The following DLGAP1 variants were observed in gnomAD, a reference collection of about 807,000 sequenced individuals.
The protein encoded by DLGAP1 is DLG associated protein 1.
Under a neutral mutation model 90.8 loss-of-function variants are expected in DLGAP1, and 11 were observed. That is an observed-to-expected ratio of 0.12 (90% CI 0.08 to 0.20). DLGAP1 has a LOEUF of 0.20. Among genes scored for constraint, DLGAP1 ranks in the 10% least tolerant of loss-of-function variants. The probability of loss-of-function intolerance (pLI) is 1.00; values close to 1 mark genes in which losing one functional copy is unlikely to be tolerated. For synonymous variants in DLGAP1, 558 were observed against 540.7 expected, an observed-to-expected ratio of 1.03 and a Z score of -0.44; for missense variants, 1,050 against 1,333.8, an observed-to-expected ratio of 0.79 and a Z score of 3.31.
At chr18:4,152,285 A>G (rs113001838) in intron 1 of DLGAP1, among the ~76,000 whole-genome samples, 1,874 of 152,344 alleles carry the variant, frequency 0.012, 33 homozygotes, top group African/African-American at 0.039. Flanking sequence ...AATCTAAGTA[A>G]TAAGCAGAAA....
intron 3 of DLGAP1, among the ~76,000 whole-genome samples, chr18:3,965,310 G>GT (rs2073299503): frequency 2.6e-5 from 4 of 152,128 alleles, no homozygotes; most frequent in African/African-American, 9.7e-5. Flanking sequence ...CTAATGTTTT[G>GT]CAAAAAATAA....
In DLGAP1 at chr18:3,517,819, G is replaced by GA. The variant is rs57625422; in HGVS notation, c.2480-9159dup. On this transcript the variant is annotated intron_variant, in intron 10 of 12. Coordinates refer to ENST00000315677, the MANE Select transcript of DLGAP1 (RefSeq NM_004746.4). The surrounding 1 kb of genome is among the most constrained non-coding windows in gnomAD (Gnocchi z 4.1). ...GCAACAAGAGAGAAACTCTGTCTCG[G>GA]AAAAAAAAAAAAAAGAAGAGAGTCA... 0.71 allele frequency among the ~76,000 whole-genome samples: 100,783 copies of GA among 141,748 alleles called. 35,771 individuals are homozygous for GA. The highest frequency in any genetic ancestry group is 0.79 in the South Asian group (3,548 of 4,474). 93.0% of individuals were successfully genotyped at this position (141,748 alleles called of 152,430 possible).
At chr18:4,014,592 G>T (rs1599328399) in intron 2 of DLGAP1, among the ~76,000 whole-genome samples, 2 of 152,316 alleles carry the variant, frequency 1.3e-5, no homozygotes, top group Middle Eastern at 3.4e-3. Context: ...TGTTTGGGGT[G>T]ATAATATCTC....
At position 4,342,876 on chromosome 18, in the gene DLGAP1, AATAGCTTTGC is replaced by A. The variant is rs1410267755; in HGVS notation, c.-267+112120_-267+112129del. Among the ~76,000 whole-genome samples, 3 of 152,236 alleles carry A rather than the reference AATAGCTTTGC, an allele frequency of 2.0e-5. No homozygotes were observed. The highest frequency in any genetic ancestry group is 4.4e-5 in the Non-Finnish European group (3 of 68,032). On this transcript the variant is annotated intron_variant, in intron 1 of 12. Transcript: ENST00000315677. This position sits in a 1 kb window ranked among gnomAD's most constrained non-coding sequence, Gnocchi z 5.8. Reference sequence around the variant, plus strand: ...GAGAACATTATTAACAACCCTAGTAAATAGCTTTGCATAAACAATATCAGATCTGAATATG... The same window carrying A: ...GAGAACATTATTAACAACCCTAGTAAATAAACAATATCAGATCTGAATATG...
Position 3,986,693 on chromosome 18 carries a change from A to G in DLGAP1, c.-73+18423T>C, listed in dbSNP as rs2073850330. On this transcript the variant is annotated intron_variant, in intron 3 of 12. Transcript: ENST00000315677. ...ATGAGAAGGAACAGATACAGTCTCC[A>G]GAGTTCCAATTATAGTGTAGCTATT... The G allele has an allele frequency of 2.6e-5, 4 of 152,366 alleles. No individual in the cohort carries two copies. In the South Asian group the frequency reaches 8.3e-4, roughly 32 times the overall value. 9.4% of individuals were successfully genotyped at this position (152,366 alleles called of 1,614,324 possible).
intron 1 of DLGAP1, among the ~76,000 whole-genome samples, chr18:4,410,106 T>C (rs993833148): frequency 4.6e-5 from 7 of 152,184 alleles, no homozygotes; most frequent in African/African-American, 1.7e-4. Flanking sequence ...AGGTATGCTA[T>C]GAGGACACAA....
At chr18:3,809,100 G>A (rs1039452223) in intron 5 of DLGAP1, among the ~76,000 whole-genome samples, 1 of 152,106 alleles carries the variant, frequency 6.6e-6, no homozygotes, top group Non-Finnish European at 1.5e-5. Context: ...TGGGCATCTC[G>A]GATCGATGAA....
At chr18:4,041,097 G>A (rs777750160) in intron 2 of DLGAP1, among the ~76,000 whole-genome samples, 5 of 152,212 alleles carry the variant, frequency 3.3e-5, no homozygotes, top group Non-Finnish European at 5.9e-5. Flanking sequence ...CACCCGAAGT[G>A]TTCCTCCAAC....
chr18:4,046,174 T>C (rs1395852808), intron 2 of DLGAP1, among the ~76,000 whole-genome samples: 1 of 152,226 alleles, frequency 6.6e-6, no homozygotes, highest in Non-Finnish European at 1.5e-5. Context: ...CCAATTCTGA[T>C]GAACAAAATC....
At chr18:3,874,612 A>G in intron 4 of DLGAP1, 1 of 1,534,080 alleles carries the variant, frequency 6.5e-7, no homozygotes, top group South Asian at 1.2e-5. Flanking sequence ...TTAAGCACTT[A>G]CCCTGAGATG....
intron 7 of DLGAP1, among the ~76,000 whole-genome samples, chr18:3,588,907 G>A (rs1176786063): frequency 6.6e-6 from 1 of 152,226 alleles, no homozygotes; most frequent in African/African-American, 2.4e-5. Flanking sequence ...ATGCGGCCAG[G>A]CGCGGTGGCT....
chr18:3,658,684 G>A (rs906524448), intron 7 of DLGAP1, among the ~76,000 whole-genome samples: 6 of 152,146 alleles, frequency 3.9e-5, no homozygotes, highest in African/African-American at 1.4e-4. Context: ...CAAAACGCAA[G>A]GTCAGGTACA....
intron 3 of DLGAP1, among the ~76,000 whole-genome samples, chr18:3,961,193 G>A (rs570305986): frequency 3.9e-4 from 60 of 152,202 alleles, no homozygotes; most frequent in African/African-American, 1.4e-3. Flanking sequence ...GAGCAAGGAA[G>A]GGAGCATCCT....
chr18:3,656,789 GTGGC>G (rs1470897757), intron 7 of DLGAP1, among the ~76,000 whole-genome samples: 5 of 151,988 alleles, frequency 3.3e-5, no homozygotes, highest in South Asian at 2.1e-4. Context: ...CTGGAGTGCA[GTGGC>G]GCAATCTCGG....
chr18:4,252,180 C>T (rs2078793301), intron 1 of DLGAP1, among the ~76,000 whole-genome samples: 1 of 152,132 alleles, frequency 6.6e-6, no homozygotes, highest in African/African-American at 2.4e-5. Context: ...AGGGAGGCTT[C>T]GGTCTGCAAA....
intron 1 of DLGAP1, among the ~76,000 whole-genome samples, chr18:4,373,708 G>A (rs2081962586): frequency 6.6e-6 from 1 of 152,196 alleles, no homozygotes; most frequent in African/African-American, 2.4e-5. Flanking sequence ...ATCACATAGA[G>A]TATTTATTAG....
chr18:3,575,079 G>A (rs1019732122), intron 8 of DLGAP1, among the ~76,000 whole-genome samples: 8 of 152,152 alleles, frequency 5.3e-5, no homozygotes, highest in African/African-American at 1.9e-4. Flanking sequence ...CTCCCAAAGT[G>A]CTGGGATTAC....
chr18:3,782,512 TTGA>T (rs1219505175), intron 5 of DLGAP1, among the ~76,000 whole-genome samples: 1 of 152,196 alleles, frequency 6.6e-6, no homozygotes, highest in Non-Finnish European at 1.5e-5. Context: ...TTTGCAGGTG[TTGA>T]TGATGCATAA....
chr18:3,552,965 GT>G (rs34036156), intron 9 of DLGAP1, among the ~76,000 whole-genome samples: 92,942 of 149,676 alleles, frequency 0.62, 30,263 homozygotes, highest in Admixed American at 0.74. Flanking sequence ...AAATTTTGCT[GT>G]TTTTTTTTTT....
Sources: allele counts gnomAD v4.1 joint callset (sites outside exome capture counted in the v4.1 genomes callset), GRCh38; gene constraint gnomAD v4.1.1; non-coding constraint Gnocchi (gnomAD v3.1); transcripts MANE v1.5; gene names NCBI Gene and HGNC (gene_info 2026-07-23, HGNC 2026-07-21).